PTBP3: variants seen among roughly 807,000 people sequenced by gnomAD.
PTBP3 encodes polypyrimidine tract-binding protein 3.
PTBP3 carries 20 observed loss-of-function variants against 58.7 expected under a neutral mutation model. That is an observed-to-expected ratio of 0.34 (90% CI 0.24 to 0.50). PTBP3 has a LOEUF of 0.50. PTBP3 is among the 20% of genes least tolerant of loss of function. The pLI, the probability that PTBP3 is intolerant of heterozygous loss-of-function variation, is 0.98. For missense variants in PTBP3, 509 were observed against 637.2 expected (o/e 0.80, Z 2.17); for synonymous variants, 185 against 219.8 (o/e 0.84, Z 1.40).
intron 1 of PTBP3, among the ~76,000 whole-genome samples, chr9:112,320,245 T>C (rs553584814): frequency 3.7e-5 from 5 of 134,208 alleles, no homozygotes; most frequent in African/African-American, 1.4e-4. Flanking sequence ...ACCACTGCAA[T>C]ACAGCCTGGG....
intron 1 of PTBP3, among the ~76,000 whole-genome samples, chr9:112,307,048 A>C (rs1473811740): frequency 6.6e-6 from 1 of 152,234 alleles, no homozygotes; most frequent in Non-Finnish European, 1.5e-5. Context: ...GAGCTTTTTG[A>C]AAAGAATAAA....
intron 1 of PTBP3, among the ~76,000 whole-genome samples, chr9:112,315,055 T>C (rs923919672): frequency 6.6e-6 from 1 of 151,974 alleles, no homozygotes; most frequent in Non-Finnish European, 1.5e-5. Context: ...ATGGTCTCGA[T>C]CTCCTGACCT....
intron 1 of PTBP3, among the ~76,000 whole-genome samples, chr9:112,309,507 G>A (rs1468532175): frequency 4.6e-5 from 7 of 152,164 alleles, no homozygotes; most frequent in South Asian, 4.1e-4. Context: ...GTAACAGGCC[G>A]GGTGTGGTGG....
chr9:112,333,524 C>T lies in PTBP3; in HGVS notation c.-106G>A. 2 of 1,576,866 alleles carry T rather than the reference C, an allele frequency of 1.3e-6. No homozygotes were observed. Among genetic ancestry groups the T allele is most frequent in the East Asian group, 2.4e-5 (1 of 41,026 alleles). On this transcript the variant is annotated 5_prime_UTR_variant, in exon 1 of 14. Coordinates refer to ENST00000374257, the MANE Select transcript of PTBP3 (RefSeq NM_001163788.4). Reference sequence around the variant, plus strand: ...AGAGCAGGGACTGACGGGCTAACCGCGAGCAGAGGAAGCAGGCGGCGGCAG... The same window carrying T: ...AGAGCAGGGACTGACGGGCTAACCGTGAGCAGAGGAAGCAGGCGGCGGCAG...
At chr9:112,329,697 G>T (rs1027416745) in intron 1 of PTBP3, among the ~76,000 whole-genome samples, 2 of 152,130 alleles carry the variant, frequency 1.3e-5, no homozygotes, top group Non-Finnish European at 2.9e-5. Flanking sequence ...TTGAAGGATT[G>T]CTATGATTGG....
intron 1 of PTBP3, among the ~76,000 whole-genome samples, chr9:112,316,870 G>A (rs754643914): frequency 5.9e-5 from 9 of 151,972 alleles, no homozygotes; most frequent in Non-Finnish European, 1.2e-4. Context: ...TACTTGAGAG[G>A]CTGAGGCAGG....
At chr9:112,248,455 C>A (rs545137142) in intron 7 of PTBP3, among the ~76,000 whole-genome samples, 1 of 152,040 alleles carries the variant, frequency 6.6e-6, no homozygotes, top group Admixed American at 6.6e-5. Context: ...GATGGGTGCA[C>A]CGAAATCTCA....
chr9:112,263,116 A>C (rs892690759), intron 4 of PTBP3, among the ~76,000 whole-genome samples: 1 of 152,200 alleles, frequency 6.6e-6, no homozygotes, highest in African/African-American at 2.4e-5. Flanking sequence ...AATGCAAGGA[A>C]ATGTTCAAAG....
chr9:112,362,839 C>T, the PTBP3 span: 7 of 321,558 alleles, frequency 2.2e-5, no homozygotes, highest in Non-Finnish European at 3.6e-5. Flanking sequence ...GAGACAACTG[C>T]GTTCATAGAA....
downstream of PTBP3, chr9:112,218,427 C>T (rs181037535): frequency 4.1e-3 from 619 of 152,478 alleles, 6 homozygotes; most frequent in Non-Finnish European, 3.4e-3. Flanking sequence ...GACAAGAACA[C>T]AGAAAAATTT....
At chr9:112,290,705 T>TACACACACACACACACACACAC (rs1418787518) in intron 2 of PTBP3, among the ~76,000 whole-genome samples, 1 of 72,998 alleles carries the variant, frequency 1.4e-5, no homozygotes, top group African/African-American at 4.7e-5. Flanking sequence ...TATATATATA[T>TACACACACACACACACACACAC]ATACACACAC....
intron 7 of PTBP3, among the ~76,000 whole-genome samples, chr9:112,240,673 C>T (rs867979874): frequency 6.0e-5 from 9 of 150,200 alleles, no homozygotes; most frequent in South Asian, 2.1e-4. Context: ...AAAACTTAAC[C>T]GTAAAACAGC....
intron 7 of PTBP3, among the ~76,000 whole-genome samples, chr9:112,243,614 G>A (rs1835750943): frequency 6.6e-6 from 1 of 152,204 alleles, no homozygotes; most frequent in Non-Finnish European, 1.5e-5. Context: ...ATATGACTAT[G>A]TGTACTGAAA....
At position 112,229,773 on chromosome 9, in the gene PTBP3, C is replaced by T. The variant is rs1384065312; in HGVS notation, c.1055-1301G>A. Among the ~76,000 whole-genome samples the T allele has an allele frequency of 2.0e-5, 3 of 152,140 alleles. 1 individual carries two copies. The highest frequency in any genetic ancestry group is 1.3e-4 in the Admixed American group (2 of 15,266). The stretch of plus-strand genomic sequence containing the variant: ...TTTTGTAGAGATGGGGTCTCACTAT[C>T]TGGCCCAGGTTGGTCTCAAACAATC... On this transcript the variant is annotated intron_variant, in intron 10 of 13. Transcript: ENST00000374257.
chr9:112,267,908 G>A (rs1827168060), intron 4 of PTBP3, 141 bp downstream of exon 4: 1 of 697,582 alleles, frequency 1.4e-6, no homozygotes, highest in Admixed American at 3.9e-5. Context: ...GAATTGGGGG[G>A]AAGAATTTAC....
chr9:112,379,153 G>T, the PTBP3 span, among the ~76,000 whole-genome samples: 3 of 152,228 alleles, frequency 2.0e-5, no homozygotes, highest in Admixed American at 6.5e-5. Context: ...CCGCGCCACT[G>T]CACTTCAGCG....
intron 7 of PTBP3, among the ~76,000 whole-genome samples, chr9:112,243,378 T>TA (rs1564400129): frequency 6.6e-6 from 1 of 152,008 alleles, no homozygotes; most frequent in Non-Finnish European, 1.5e-5. Context: ...CCATCTCTAC[T>TA]AAAAATTCAA....
chr9:112,346,351 G>A, the PTBP3 span, among the ~76,000 whole-genome samples: 54,796 of 151,584 alleles, frequency 0.36, 10,094 homozygotes, highest in South Asian at 0.44. Flanking sequence ...ATTTTTAGTA[G>A]AGGTGGCATT....
chr9:112,260,865 A>G (rs570249283), intron 5 of PTBP3, among the ~76,000 whole-genome samples: 1 of 152,318 alleles, frequency 6.6e-6, no homozygotes, highest in Non-Finnish European at 1.5e-5. Flanking sequence ...GACACTCAGA[A>G]TTAGTCCTCT....
Sources: allele counts gnomAD v4.1 joint callset (sites outside exome capture counted in the v4.1 genomes callset), GRCh38; gene constraint gnomAD v4.1.1; transcripts MANE v1.5; gene names NCBI Gene and HGNC (gene_info 2026-07-23, HGNC 2026-07-21).